The following ME3 variants were observed in gnomAD, a reference collection of about 807,000 sequenced individuals.
ME3 encodes malic enzyme 3.
In ME3, 48 loss-of-function variants were observed where a neutral mutation model predicts 68.9. The ratio of observed to expected loss-of-function variants is 0.70; its 90% CI spans 0.55 to 0.89. The LOEUF is 0.89. Ranked by LOEUF, ME3 falls within the 40% of genes least tolerant of loss-of-function variation. ME3 has a pLI of 0.00. For missense variants in ME3, 675 were observed against 797.4 expected (o/e 0.85, Z 1.85); for synonymous variants, 320 against 318.8 (o/e 1.00, Z -0.04).
rs565953935 is a variant in ME3, at chr11:86,462,014, C to T, written c.919+3077G>A. On this transcript the variant is annotated intron_variant, in intron 8 of 14. Transcript: ENST00000543262. ...AGCAAAATTGGCTATAGAGGCAAGACACAAAAACCAATGAATGTAAACAAA... is the reference window on the plus strand; with the variant it reads ...AGCAAAATTGGCTATAGAGGCAAGATACAAAAACCAATGAATGTAAACAAA... Among the ~76,000 whole-genome samples, 7 of 152,242 alleles carry T rather than the reference C, an allele frequency of 4.6e-5. No individual in the cohort carries two copies. The East Asian group carries it at 1.4e-3, about 29-fold the overall frequency.
chr11:86,449,015 T>A (rs569612556), intron 10 of ME3, among the ~76,000 whole-genome samples: 41 of 152,258 alleles, frequency 2.7e-4, no homozygotes, highest in African/African-American at 9.1e-4. Context: ...TGGAAAGACG[T>A]AGGGGTGGGT....
intron 4 of ME3, among the ~76,000 whole-genome samples, chr11:86,517,514 C>T (rs1446328931): frequency 6.6e-6 from 1 of 152,100 alleles, no homozygotes; most frequent in East Asian, 1.9e-4. Context: ...TGCTCAGTTC[C>T]AATTTAATCA....
chr11:86,442,690 G>T, intron 14 of ME3, 131 bp downstream of exon 14: 1 of 692,530 alleles, frequency 1.4e-6, no homozygotes, highest in Non-Finnish European at 2.3e-6. Flanking sequence ...CCAGCCTCTG[G>T]GTTACAGGTA....
chr11:86,665,809 T>C (rs1946555523), intron 2 of ME3, among the ~76,000 whole-genome samples: 1 of 150,368 alleles, frequency 6.7e-6, no homozygotes, highest in African/African-American at 2.5e-5. Flanking sequence ...CAGGATTTTC[T>C]GGTGGATTCC....
At chr11:86,637,218 C>T (rs576341619) in intron 2 of ME3, among the ~76,000 whole-genome samples, 18 of 152,060 alleles carry the variant, frequency 1.2e-4, no homozygotes, top group Non-Finnish European at 2.2e-4. Flanking sequence ...TACTATGAAG[C>T]ATCTGCCATG....
chr11:86,598,701 C>A (rs955474021), intron 2 of ME3, among the ~76,000 whole-genome samples: 4 of 152,214 alleles, frequency 2.6e-5, no homozygotes, highest in Non-Finnish European at 4.4e-5. Context: ...AGGCACCCCC[C>A]AGTAGGGGCA....
rs140916673 is a variant in ME3 at position 86,514,977 on chromosome 11, A to T, written c.468-6110T>A. ...AAATGTTTGTAAATAATTACAAATT[A>T]GTGTTTTAGCTAGAATCATCCATTT... On this transcript the variant is annotated intron_variant, in intron 4 of 14. Coordinates refer to ENST00000543262, the Ensembl canonical transcript of ME3. Among the ~76,000 whole-genome samples, 606 of 152,354 alleles carry T rather than the reference A, an allele frequency of 4.0e-3. 3 individuals are homozygous for T. The highest frequency in any genetic ancestry group is 0.014 in the African/African-American group (581 of 41,586).
chr11:86,645,579 C>A (rs1249135300), intron 2 of ME3, among the ~76,000 whole-genome samples: 1 of 152,202 alleles, frequency 6.6e-6, no homozygotes, highest in Non-Finnish European at 1.5e-5. Context: ...ACTCCCATCT[C>A]CCTGGGACAG....
chr11:86,531,983 A>T (rs1295073608), intron 4 of ME3, among the ~76,000 whole-genome samples: 2 of 104,696 alleles, frequency 1.9e-5, no homozygotes, highest in African/African-American at 3.5e-5. Context: ...TAATTAAAAA[A>T]AACCAAACCA....
chr11:86,669,503 G>T (rs1336320401), intron 2 of ME3, among the ~76,000 whole-genome samples: 1 of 152,194 alleles, frequency 6.6e-6, no homozygotes, highest in Non-Finnish European at 1.5e-5. Flanking sequence ...TCCTCAGAGG[G>T]TGGCAGGAGA....
chr11:86,525,763 G>A lies in ME3; in HGVS notation c.468-16896C>T, dbSNP rs188609025. On this transcript the variant is annotated intron_variant, in intron 4 of 14. Coordinates refer to ENST00000543262, the Ensembl canonical transcript of ME3. ...ATAATCTCAGTTACCGAGGGAGACC[G>A]AGGTAAGAGAATTGCTTGAACCCAG... is the stretch of plus-strand genomic sequence containing the variant. Among the ~76,000 whole-genome samples the A allele has an allele frequency of 1.0e-3, 159 of 151,762 alleles. 3 individuals are homozygous for A. The South Asian group carries it at 0.011, about 10-fold the overall frequency.
chr11:86,438,452 T>C (rs865789923), downstream of ME3, among the ~76,000 whole-genome samples: 2 of 152,198 alleles, frequency 1.3e-5, no homozygotes. Context: ...TCTTGTGATA[T>C]GTTTATCTGG....
chr11:86,608,727 T>C (rs921762337), intron 2 of ME3, among the ~76,000 whole-genome samples: 4 of 152,206 alleles, frequency 2.6e-5, no homozygotes, highest in African/African-American at 9.7e-5. Context: ...TTTACTATTC[T>C]CTAAATACAG....
At chr11:86,658,977 A>T (rs558443171) in intron 2 of ME3, among the ~76,000 whole-genome samples, 4 of 152,352 alleles carry the variant, frequency 2.6e-5, no homozygotes, top group Admixed American at 2.0e-4. Flanking sequence ...TGATTTTACC[A>T]GTCAAAAAAA....
intron 2 of ME3, among the ~76,000 whole-genome samples, chr11:86,572,653 C>G (rs1297365784): frequency 6.6e-6 from 1 of 152,192 alleles, no homozygotes; most frequent in Non-Finnish European, 1.5e-5. Context: ...TATATATCTA[C>G]CACAGTTTCT....
chr11:86,537,921 T>G (rs1290663146), intron 4 of ME3, among the ~76,000 whole-genome samples: 2 of 152,184 alleles, frequency 1.3e-5, no homozygotes. Flanking sequence ...GGTGTGTACT[T>G]ACAAGGCTCT....
At chr11:86,554,304 A>T (rs1050665540) in intron 4 of ME3, among the ~76,000 whole-genome samples, 6 of 152,214 alleles carry the variant, frequency 3.9e-5, no homozygotes, top group Admixed American at 1.3e-4. Context: ...ATTAGATCTC[A>T]GTCAGGGGAG....
At chr11:86,458,494 T>C (rs1330858552) in intron 8 of ME3, among the ~76,000 whole-genome samples, 2 of 152,006 alleles carry the variant, frequency 1.3e-5, no homozygotes, top group Non-Finnish European at 2.9e-5. Context: ...TTGGCTTCTC[T>C]GGAGGTTCGG....
intron 8 of ME3, among the ~76,000 whole-genome samples, chr11:86,459,041 G>C (rs1312116012): frequency 6.6e-6 from 1 of 152,202 alleles, no homozygotes; most frequent in Non-Finnish European, 1.5e-5. Context: ...CCCAGATCCT[G>C]GGGAAGAGTG....
Sources: allele counts gnomAD v4.1 joint callset (sites outside exome capture counted in the v4.1 genomes callset), GRCh38; gene constraint gnomAD v4.1.1; transcripts MANE v1.5; gene names NCBI Gene and HGNC (gene_info 2026-07-23, HGNC 2026-07-21).